The following LMAN1L variants were observed in gnomAD, a reference collection of about 807,000 sequenced individuals.
The protein encoded by LMAN1L is protein ERGIC-53-like.
A neutral mutation model predicts 58.3 loss-of-function variants in LMAN1L; 60 were observed. That is an observed-to-expected ratio of 1.03 (90% CI 0.84 to 1.27). The LOEUF (loss-of-function observed/expected upper bound fraction) is 1.27. LMAN1L is among the 50% of genes most tolerant of loss of function. The probability of loss-of-function intolerance (pLI) is 0.00; values close to 1 mark genes in which losing one functional copy is unlikely to be tolerated. For missense variants in LMAN1L, 629 were observed against 674.0 expected, an observed-to-expected ratio of 0.93 and a Z score of 0.74; for synonymous variants, 280 against 271.6, an observed-to-expected ratio of 1.03 and a Z score of -0.31.
rs746975134 is a variant in LMAN1L at position 74,821,123 on chromosome 15, T to C, written c.956T>C (p.Ile319Thr). The C allele has an allele frequency of 6.4e-7, 1 of 1,566,906 alleles. No individual in the cohort carries two copies. The highest frequency in any genetic ancestry group is 1.3e-5 in the African/African-American group (1 of 74,268). ...GAGACGCTGGGCAGACACCGCCGGA[T>C]CCTGCAGGCTCTGCGGGGTCTCTCC... ...LEETLGRHRR[I>T]LQALRGLSKQ... The change falls in exon 9 of 14, where the codon ATC (isoleucine) becomes ACC (threonine). Residue 319 changes from isoleucine (I) to threonine (T), a missense_variant. Physicochemically the swap from Ile to Thr is moderately conservative, Grantham distance 89. Around this residue, in one of 3 missense-constraint regions of LMAN1L, gnomAD observed 573 missense variants for 597.3 expected, o/e 0.96. Coordinates refer to ENST00000309664, the MANE Select transcript of LMAN1L (RefSeq NM_021819.3).
rs151233715 is a variant in LMAN1L at position 74,816,473 on chromosome 15, G to C, written c.377G>C (p.Gly126Ala). 4.6e-5 allele frequency: 72 copies of C among 1,552,346 alleles called. No homozygotes were observed. The African/African-American group carries it at 6.7e-4, about 14-fold the overall frequency. ...RGRGHVGSVLGGLASWDGIGI... is the reference protein window; with the variant it reads ...RGRGHVGSVLAGLASWDGIGI... The stretch of plus-strand genomic sequence containing the variant: ...AGGGGCCATGTAGGCTCTGTCCTTG[G>C]GGGGCTGGCTTCGTGGGACGGCATC... The change falls in exon 3 of 14, where the codon GGG becomes GCG. Residue 126 changes from glycine to alanine, a missense_variant. This residue lies in a region of LMAN1L where 573 missense variants were observed against 597.3 expected (regional missense o/e 0.96). Transcript: ENST00000309664.
intron 4 of LMAN1L, 126 bp downstream of exon 4, chr15:74,816,816 G>A: frequency 2.2e-6 from 2 of 902,790 alleles, no homozygotes; most frequent in Middle Eastern, 2.4e-4. Flanking sequence ...CGCCATACTT[G>A]CTGGACTCTC....
Position 74,816,489 on chromosome 15 carries a change from G to C in LMAN1L, c.393G>C (p.Trp131Cys), listed in dbSNP as rs773314206. Reference sequence around the variant, plus strand: ...CTGTCCTTGGGGGGCTGGCTTCGTGGGACGGCATCGGGATCTTCTTTGACT... The same window carrying C: ...CTGTCCTTGGGGGGCTGGCTTCGTGCGACGGCATCGGGATCTTCTTTGACT... ...VGSVLGGLAS[W>C]DGIGIFFDSP... The change falls in exon 3 of 14, where the codon TGG (tryptophan) becomes TGC (cysteine). Residue 131 changes from tryptophan to cysteine, a missense_variant. Physicochemically the swap from Trp to Cys is radical, Grantham distance 215. Around this residue, in one of 3 missense-constraint regions of LMAN1L, gnomAD observed 573 missense variants for 597.3 expected, o/e 0.96. Transcript: ENST00000309664. 19 of 1,549,870 alleles carry C rather than the reference G, an allele frequency of 1.2e-5. No homozygotes were observed. The East Asian group carries it at 4.3e-4, about 35-fold the overall frequency.
At chr15:74,823,770 G>T in intron 12 of LMAN1L, 88 bp downstream of exon 12, 2 of 1,509,938 alleles carry the variant, frequency 1.3e-6, no homozygotes, top group South Asian at 1.2e-5. Context: ...GCAGCCCCAA[G>T]CCCTCCTGCC....
At chr15:74,819,042 T>C in intron 5 of LMAN1L, 110 bp from the exon 6 acceptor site, 4 of 1,340,602 alleles carry the variant, frequency 3.0e-6, no homozygotes, top group Non-Finnish European at 3.1e-6. Flanking sequence ...GTCACCTCCA[T>C]GCCATTCTGA....
rs766722569 is a variant in LMAN1L, at chr15:74,824,370, C to T, written c.1343C>T (p.Pro448Leu). 8.7e-6 allele frequency: 14 copies of T among 1,613,982 alleles called. No homozygotes were observed. The Admixed American group carries it at 2.2e-4, about 25-fold the overall frequency. Residue 448 changes from proline to leucine, a missense_variant, in exon 13 of 14, where the codon CCC becomes CTC. Physicochemically the swap from Pro to Leu is moderately conservative, Grantham distance 98 (BLOSUM62 -3). Coordinates refer to ENST00000309664, the MANE Select transcript of LMAN1L (RefSeq NM_021819.3). ...TTTCAGAAGGCAGCAGCCAAGGCCCCCCGCCCACCTGGCCAGCCCCCAAGG... is the reference window on the plus strand; with the variant it reads ...TTTCAGAAGGCAGCAGCCAAGGCCCTCCGCCCACCTGGCCAGCCCCCAAGG... ...RGPAKAAAKA[P>L]RPPGQPPRAS...
chr15:74,816,954 C>T (rs939819772), intron 4 of LMAN1L, among the ~76,000 whole-genome samples: 17 of 152,204 alleles, frequency 1.1e-4, no homozygotes, highest in African/African-American at 4.1e-4. Context: ...CTCCAACACC[C>T]TCCATAAGTG....
chr15:74,814,095 C>T (rs915531319), intron 1 of LMAN1L, among the ~76,000 whole-genome samples: 4 of 141,606 alleles, frequency 2.8e-5, no homozygotes, highest in African/African-American at 1.1e-4. Flanking sequence ...CATTGCACTT[C>T]AGCCTGGGCA....
At chr15:74,817,796 G>A (rs1288352976) in intron 4 of LMAN1L, among the ~76,000 whole-genome samples, 5 of 152,106 alleles carry the variant, frequency 3.3e-5, no homozygotes, top group African/African-American at 1.2e-4. Flanking sequence ...CTAATCACCT[G>A]AGGTCAGGAG....
rs1242020186 is a variant in LMAN1L at position 74,820,735 on chromosome 15, C to T, written c.875C>T (p.Thr292Ile). The change falls in exon 8 of 14, where the codon ACT (threonine) becomes ATT (isoleucine). Residue 292 changes from threonine (T) to isoleucine (I), a missense_variant. By Grantham distance (89) the Thr-to-Ile change is moderately conservative (BLOSUM62 -1). Coordinates refer to ENST00000309664, the MANE Select transcript of LMAN1L (RefSeq NM_021819.3). ...GGCTTGGGCACCAGGGAGGATGTAA[C>T]TCCAAAATCAGACTCTGAAGCTCAA... ...RLGLGTREDV[T>I]PKSDSEAQGE... 2 of 1,613,534 alleles carry T rather than the reference C, an allele frequency of 1.2e-6. No homozygotes were observed. Among genetic ancestry groups the T allele is most frequent in the Non-Finnish European group, 1.7e-6 (2 of 1,179,888 alleles).
intron 9 of LMAN1L, 61 bp downstream of exon 9, chr15:74,821,287 G>A (rs1398361844): frequency 3.9e-6 from 6 of 1,521,112 alleles, no homozygotes; most frequent in Non-Finnish European, 5.3e-6. Context: ...AGCAAGCACT[G>A]TAGTCAGCAA....
rs778115839 is a variant in LMAN1L at position 74,816,446 on chromosome 15, G to A, written c.350G>A (p.Gly117Asp). ...CTGCAGGCCGTGTGGTACACCCGGG[G>A]CAGGGGCCATGTAGGCTCTGTCCTT... ...AQGMAVWYTR[G>D]RGHVGSVLGG... Residue 117 changes from glycine to aspartate, a missense_variant, in exon 3 of 14, where the codon GGC becomes GAC. Gly to Asp is a moderately conservative substitution (Grantham distance 94). This residue lies in a region of LMAN1L where 573 missense variants were observed against 597.3 expected (regional missense o/e 0.96). Coordinates refer to ENST00000309664, the MANE Select transcript of LMAN1L (RefSeq NM_021819.3). 2 of 1,556,120 alleles carry A rather than the reference G, an allele frequency of 1.3e-6. No homozygotes were observed. Among genetic ancestry groups the A allele is most frequent in the Admixed American group, 3.6e-5 (2 of 55,454 alleles).
Position 74,821,127 on chromosome 15 carries a change from G to T in LMAN1L, c.960G>T (p.Leu320=). The change falls in exon 9 of 14, where the codon CTG becomes CTT. Residue 320 remains leucine (L), a synonymous_variant. Transcript: ENST00000309664. ...CGCTGGGCAGACACCGCCGGATCCTGCAGGCTCTGCGGGGTCTCTCCAAGC... is the reference window on the plus strand; with the variant it reads ...CGCTGGGCAGACACCGCCGGATCCTTCAGGCTCTGCGGGGTCTCTCCAAGC... The part of the protein sequence containing the change: ...EETLGRHRRI[L]QALRGLSKQL... 6.4e-7 allele frequency: 1 copy of T among 1,564,772 alleles called. No homozygotes were observed. The highest frequency in any genetic ancestry group is 8.7e-7 in the Non-Finnish European group (1 of 1,154,578).
intron 4 of LMAN1L, among the ~76,000 whole-genome samples, chr15:74,817,069 G>A (rs2063895059): frequency 6.6e-6 from 1 of 152,146 alleles, no homozygotes; most frequent in Non-Finnish European, 1.5e-5. Flanking sequence ...CCCCTGGAGG[G>A]TCCTCGCCCT....
At chr15:74,822,011 A>C in intron 10 of LMAN1L, 111 bp downstream of exon 10, 1 of 726,872 alleles carries the variant, frequency 1.4e-6, no homozygotes, top group Admixed American at 2.3e-5. Flanking sequence ...TTCAGGGGAC[A>C]GAACCACTTT....
chr15:74,824,654 C>A, intron 13 of LMAN1L, 176 bp downstream of exon 13: 2 of 670,476 alleles, frequency 3.0e-6, no homozygotes, highest in Admixed American at 5.6e-5. Context: ...CTACTGACCA[C>A]CTGCTCGGCC....
At chr15:74,814,509 G>T (rs1260604545) in intron 1 of LMAN1L, among the ~76,000 whole-genome samples, 1 of 151,998 alleles carries the variant, frequency 6.6e-6, no homozygotes, top group Non-Finnish European at 1.5e-5. Context: ...GAGTAGCTGG[G>T]ACTACAGGTG....
At chr15:74,821,284 A>T (rs1407445530) in intron 9 of LMAN1L, 58 bp downstream of exon 9, 6 of 1,525,950 alleles carry the variant, frequency 3.9e-6, no homozygotes, top group Non-Finnish European at 5.3e-6. Context: ...AGGAGCAAGC[A>T]CTGTAGTCAG....
intron 6 of LMAN1L, chr15:74,819,624 C>T (rs1175986176): frequency 6.2e-6 from 3 of 481,528 alleles, no homozygotes; most frequent in Non-Finnish European, 7.4e-6. Context: ...GCAACCAGAG[C>T]GTGGGAGTCC....
Sources: gnomAD v4.1 joint callset for allele counts (sites outside exome capture counted in the v4.1 genomes callset) on GRCh38, gnomAD v4.1.1 for gene constraint, gnomAD v4.1.1 regional missense constraint, MANE v1.5 for transcripts, NCBI Gene and HGNC (gene_info 2026-07-23, HGNC 2026-07-21) for gene names.